Variants in EPHX4 observed in about 807,000 individuals in gnomAD.
EPHX4 encodes the protein abhydrolase domain containing 7.
In EPHX4, 31 loss-of-function variants were observed where a neutral mutation model predicts 44.9. The ratio of observed to expected loss-of-function variants is 0.69; its 90% CI spans 0.52 to 0.93. The LOEUF is 0.93. Ranked by LOEUF, EPHX4 falls within the 40% of genes least tolerant of loss-of-function variation. The probability of loss-of-function intolerance (pLI) is 0.00; values close to 1 mark genes in which losing one functional copy is unlikely to be tolerated. For missense variants in EPHX4, 373 were observed against 438.1 expected (o/e 0.85, Z 1.33); for synonymous variants, 151 against 159.7 (o/e 0.95, Z 0.41).
chr1:92,042,841 A>G lies in EPHX4; in HGVS notation c.336A>G (p.Gln112=), dbSNP rs1164276913. 3 of 1,612,470 alleles carry G rather than the reference A, an allele frequency of 1.9e-6. No individual in the cohort carries two copies. The highest frequency in any genetic ancestry group is 3.3e-5 in the Admixed American group (2 of 59,844). ...CCTGCAGGTATTCTTGGCGTTACCAACTGAGAGAATTTAAAAGTGAATATC... is the reference window on the plus strand; with the variant it reads ...CCTGCAGGTATTCTTGGCGTTACCAGCTGAGAGAATTTAAAAGTGAATATC... The part of the protein sequence containing the change: ...FPEFWYSWRY[Q]LREFKSEYRV... The change falls in exon 3 of 7, where the codon CAA becomes CAG. Residue 112 remains glutamine (Q), a synonymous_variant. Coordinates refer to ENST00000370383, the MANE Select transcript of EPHX4 (RefSeq NM_173567.5).
At chr1:92,032,632 G>T (rs527541402) in intron 2 of EPHX4, 42 bp downstream of exon 2, 1 of 1,525,636 alleles carries the variant, frequency 6.6e-7, no homozygotes, top group South Asian at 1.1e-5. Context: ...TTAAAACTTG[G>T]CTTATTTTCT....
chr1:92,032,619 AC>A, intron 2 of EPHX4, 29 bp downstream of exon 2: 2 of 1,574,470 alleles, frequency 1.3e-6, no homozygotes, highest in South Asian at 2.2e-5. Flanking sequence ...ATTTATTGTT[AC>A]ATTAAAACTT....
At chr1:92,059,444 A>G (rs779096654) in intron 6 of EPHX4, among the ~76,000 whole-genome samples, 14 of 152,196 alleles carry the variant, frequency 9.2e-5, no homozygotes, top group Non-Finnish European at 1.2e-4. Flanking sequence ...TCAAAAAAAA[A>G]AGATAAACTT....
At chr1:92,045,801 T>A (rs1688573943) in intron 4 of EPHX4, 141 bp downstream of exon 4, 12 of 871,452 alleles carry the variant, frequency 1.4e-5, no homozygotes, top group Non-Finnish European at 1.9e-5. Flanking sequence ...CACATGACAG[T>A]GTCAGATACC....
intron 4 of EPHX4, among the ~76,000 whole-genome samples, chr1:92,046,725 G>A (rs1375339241): frequency 6.6e-6 from 1 of 152,190 alleles, no homozygotes; most frequent in Non-Finnish European, 1.5e-5. Flanking sequence ...GCCTCCTAAA[G>A]TGCTGGGATT....
At chr1:92,045,886 A>G (rs1313001716) in intron 4 of EPHX4, among the ~76,000 whole-genome samples, 1 of 152,232 alleles carries the variant, frequency 6.6e-6, no homozygotes, top group Non-Finnish European at 1.5e-5. Context: ...TTCCTTCAAA[A>G]AAAGATTTTA....
At chr1:92,053,640 C>T (rs11166028) in intron 6 of EPHX4, among the ~76,000 whole-genome samples, 3,953 of 152,040 alleles carry the variant, frequency 0.026, 187 homozygotes, top group African/African-American at 0.091. Flanking sequence ...ATTTCAGAGA[C>T]ACTTAAGAGG....
chr1:92,058,458 A>T (rs1352901671), intron 6 of EPHX4, among the ~76,000 whole-genome samples: 6 of 151,774 alleles, frequency 4.0e-5, no homozygotes, highest in Non-Finnish European at 8.8e-5. Flanking sequence ...AAAAAAAAAA[A>T]TCCATTAATT....
Position 92,051,454 on chromosome 1 carries a change from TA to T in EPHX4, c.708+1036del, listed in dbSNP as rs1393575514. On this transcript the variant is annotated intron_variant, in intron 5 of 6. Coordinates refer to ENST00000370383, the MANE Select transcript of EPHX4 (RefSeq NM_173567.5). Reference sequence around the variant, plus strand: ...ACTAGTGCCTTCTTTCTTTTTTTTCTAATTTTTTTTTAATATCACTTATTTA... The same window carrying T: ...ACTAGTGCCTTCTTTCTTTTTTTTCTATTTTTTTTTAATATCACTTATTTA... Among the ~76,000 whole-genome samples, 13 of 152,266 alleles carry T rather than the reference TA, an allele frequency of 8.5e-5. 1 individual carries two copies. The South Asian group carries it at 2.7e-3, about 32-fold the overall frequency.
At position 92,030,300 on chromosome 1, in the gene EPHX4, T is replaced by C; in HGVS notation, c.221T>C (p.Val74Ala). Residue 74 changes from valine (V) to alanine (A), a missense_variant, in exon 1 of 7, where the codon GTG becomes GCG. Coordinates refer to ENST00000370383, the MANE Select transcript of EPHX4 (RefSeq NM_173567.5). ...CCCTCCTTGGGCACCCACTGCTACGTGCGGATCAAGGTGAAGGGCCGCGCG... is the reference window on the plus strand; with the variant it reads ...CCCTCCTTGGGCACCCACTGCTACGCGCGGATCAAGGTGAAGGGCCGCGCG... ...SDPSLGTHCY[V>A]RIKDSGLRFH... The C allele has an allele frequency of 2.5e-6, 4 of 1,573,612 alleles. No homozygotes were observed. The South Asian group carries it at 4.6e-5, about 18-fold the overall frequency.
chr1:92,036,482 G>C (rs370137320), intron 2 of EPHX4, among the ~76,000 whole-genome samples: 3 of 152,086 alleles, frequency 2.0e-5, no homozygotes, highest in African/African-American at 7.2e-5. Flanking sequence ...ATTTGCCCCC[G>C]CAAAGTCAAG....
chr1:92,047,355 G>A lies in EPHX4; in HGVS notation c.604+1695G>A, dbSNP rs189452427. Among the ~76,000 whole-genome samples the A allele has an allele frequency of 1.8e-4, 27 of 151,768 alleles. 1 individual carries two copies. The highest frequency in any genetic ancestry group is 2.0e-4 in the Admixed American group (3 of 15,238). ...GCTCAGGAGGTTGAGGCTGCAGTGA[G>A]CTGAGATTGTGCCAGCTGAGGGTGG... is the stretch of plus-strand genomic sequence containing the variant. On this transcript the variant is annotated intron_variant, in intron 4 of 6. Transcript: ENST00000370383.
rs540234043 is a variant in EPHX4 at position 92,046,550 on chromosome 1, A to G, written c.604+890A>G. Among the ~76,000 whole-genome samples, 25 of 151,938 alleles carry G rather than the reference A, an allele frequency of 1.6e-4. No homozygotes were observed. The East Asian group carries it at 3.7e-3, about 22-fold the overall frequency. On this transcript the variant is annotated intron_variant, in intron 4 of 6. Coordinates refer to ENST00000370383, the MANE Select transcript of EPHX4 (RefSeq NM_173567.5). ...GCCATCTCGGCTCACTGCAACCTCCACCTCCTGGGTTCAAGCGATTCTCCT... is the reference window on the plus strand; with the variant it reads ...GCCATCTCGGCTCACTGCAACCTCCGCCTCCTGGGTTCAAGCGATTCTCCT...
At chr1:92,044,016 A>G (rs901255432) in intron 3 of EPHX4, among the ~76,000 whole-genome samples, 11 of 152,240 alleles carry the variant, frequency 7.2e-5, no homozygotes, top group African/African-American at 2.2e-4. Flanking sequence ...CTACTGTGAC[A>G]GCAGGGAGAA....
chr1:92,053,103 C>A (rs765774726), intron 6 of EPHX4, among the ~76,000 whole-genome samples: 22 of 151,970 alleles, frequency 1.4e-4, no homozygotes, highest in Admixed American at 2.6e-4. Flanking sequence ...AAGCAAATAA[C>A]CACAGTAATG....
At chr1:92,041,332 G>C (rs1688504858) in intron 2 of EPHX4, among the ~76,000 whole-genome samples, 1 of 152,092 alleles carries the variant, frequency 6.6e-6, no homozygotes, top group South Asian at 2.1e-4. Context: ...TATCTTAAAT[G>C]GTTGTTTTAT....
At chr1:92,062,540 G>A (rs993364960) in intron 6 of EPHX4, among the ~76,000 whole-genome samples, 3 of 140,674 alleles carry the variant, frequency 2.1e-5, no homozygotes, top group South Asian at 2.2e-4. Context: ...AGCCAAGATC[G>A]TGCCATTGCA....
rs149050754 is a variant in EPHX4, at chr1:92,063,151, A to G, written c.954A>G (p.Thr318=). Residue 318 remains threonine, a synonymous_variant, in exon 7 of 7, where the codon ACA becomes ACG. Transcript: ENST00000370383. ...AFMEVEMAEV[T]KIYVKNYFRL... is the part of the protein sequence containing the mutation. The stretch of plus-strand genomic sequence containing the variant: ...TGGAGGTTGAGATGGCTGAAGTCAC[A>G]AAGATTTATGTTAAAAACTATTTCA... 516 of 1,614,198 alleles carry G rather than the reference A, an allele frequency of 3.2e-4. 6 individuals are homozygous for G. The African/African-American group carries it at 6.5e-3, about 20-fold the overall frequency.
At chr1:92,046,425 A>G (rs1287686625) in intron 4 of EPHX4, among the ~76,000 whole-genome samples, 1 of 152,152 alleles carries the variant, frequency 6.6e-6, no homozygotes, top group African/African-American at 2.4e-5. Context: ...TTCTTTCTTA[A>G]TACTATACCA....
Sources: allele counts gnomAD v4.1 joint callset (sites outside exome capture counted in the v4.1 genomes callset), GRCh38; gene constraint gnomAD v4.1.1; transcripts MANE v1.5; gene names NCBI Gene and HGNC (gene_info 2026-07-23, HGNC 2026-07-21).